The following BCAS3 variants were observed in gnomAD, a reference collection of about 807,000 sequenced individuals.
The protein encoded by BCAS3 is BCAS3 microtubule associated cell migration factor, also known as BCAS4/BCAS3 fusion.
BCAS3 carries 53 observed loss-of-function variants against 116.1 expected under a neutral mutation model. The ratio of observed to expected loss-of-function variants is 0.46; its 90% CI spans 0.37 to 0.57. BCAS3 has a LOEUF of 0.57. Among genes scored for constraint, BCAS3 ranks in the 20% least tolerant of loss-of-function variants. The probability of loss-of-function intolerance (pLI) is 0.00; values close to 1 mark genes in which losing one functional copy is unlikely to be tolerated. For synonymous variants in BCAS3, 391 were observed against 408.2 expected, an observed-to-expected ratio of 0.96 and a Z score of 0.51; for missense variants, 917 against 1,165.4, an observed-to-expected ratio of 0.79 and a Z score of 3.10.
rs1421807512 is a variant in BCAS3 at position 61,171,025 on chromosome 17, G to T, written c.2425+86461G>T. On this transcript the variant is annotated intron_variant, in intron 22 of 23. Transcript: ENST00000407086. This position sits in a 1 kb window ranked among gnomAD's most constrained non-coding sequence, Gnocchi z 4.1. ...GCCAGATTGGAAAATCTCATAATTTGCAGGTAAAGTGATACAAGATTTTTG... is the reference window on the plus strand; with the variant it reads ...GCCAGATTGGAAAATCTCATAATTTTCAGGTAAAGTGATACAAGATTTTTG... Among the ~76,000 whole-genome samples the T allele has an allele frequency of 3.9e-5, 6 of 152,128 alleles. No individual in the cohort carries two copies. Among genetic ancestry groups the T allele is most frequent in the Non-Finnish European group, 8.8e-5 (6 of 68,008 alleles).
chr17:61,360,095 C>G (rs2058375126), intron 22 of BCAS3, among the ~76,000 whole-genome samples: 1 of 151,408 alleles, frequency 6.6e-6, no homozygotes, highest in Non-Finnish European at 1.5e-5. Flanking sequence ...CAACCTCCAT[C>G]TCCTGGGTTC....
Position 61,376,858 on chromosome 17 carries a change from T to C in BCAS3, c.2593+8364T>C, listed in dbSNP as rs1052971026. Among the ~76,000 whole-genome samples, 2 of 152,240 alleles carry C rather than the reference T, an allele frequency of 1.3e-5. No individual in the cohort carries two copies. Among genetic ancestry groups the C allele is most frequent in the Non-Finnish European group, 2.9e-5 (2 of 68,030 alleles). On this transcript the variant is annotated intron_variant, in intron 23 of 23. Transcript: ENST00000407086. This position sits in a 1 kb window ranked among gnomAD's most constrained non-coding sequence, Gnocchi z 4.5. ...CCTTCTACAGCATCTACAAAAGTTC[T>C]CTCAGTGTCTTCTCTTAATGACCTC...
At chr17:60,859,473 G>A (rs1261107695) in intron 7 of BCAS3, among the ~76,000 whole-genome samples, 3 of 151,952 alleles carry the variant, frequency 2.0e-5, no homozygotes, top group African/African-American at 7.3e-5. Flanking sequence ...GCATTAATTC[G>A]CTTAGGATAA....
At chr17:60,965,646 A>G (rs371420196) in intron 14 of BCAS3, among the ~76,000 whole-genome samples, 1 of 152,228 alleles carries the variant, frequency 6.6e-6, no homozygotes, top group South Asian at 2.1e-4. Flanking sequence ...CTATGTGTTT[A>G]TATATTTTCC....
chr17:61,280,693 T>C (rs780028375), intron 22 of BCAS3, among the ~76,000 whole-genome samples: 2 of 152,238 alleles, frequency 1.3e-5, no homozygotes, highest in Non-Finnish European at 2.9e-5. Flanking sequence ...CATGAAAAGA[T>C]TGGCATTGTT....
chr17:61,318,493 C>T (rs1422249314), intron 22 of BCAS3, among the ~76,000 whole-genome samples: 4 of 152,150 alleles, frequency 2.6e-5, no homozygotes, highest in Non-Finnish European at 5.9e-5. Context: ...CCCTCTTCCC[C>T]CTCCCCCTAA....
intron 4 of BCAS3, among the ~76,000 whole-genome samples, chr17:60,693,115 A>G (rs181123526): frequency 4.0e-4 from 61 of 151,980 alleles, no homozygotes; most frequent in Middle Eastern, 3.4e-3. Context: ...ACCTCAGGTC[A>G]TCTGCCCGCT....
chr17:60,874,413 G>A (rs1256805130), intron 8 of BCAS3, among the ~76,000 whole-genome samples: 5 of 152,086 alleles, frequency 3.3e-5, no homozygotes, highest in Admixed American at 6.5e-5. Flanking sequence ...TGAGGTGGTA[G>A]TTTTTTCTTC....
Position 61,279,736 on chromosome 17 carries a change from C to T in BCAS3, c.2426-88591C>T, listed in dbSNP as rs1316633962. Among the ~76,000 whole-genome samples, 1 of 151,688 alleles carries T rather than the reference C, an allele frequency of 6.6e-6. No homozygotes were observed. The highest frequency in any genetic ancestry group is 1.5e-5 in the Non-Finnish European group (1 of 67,982). On this transcript the variant is annotated intron_variant, in intron 22 of 23. Coordinates refer to ENST00000407086, the MANE Select transcript of BCAS3 (RefSeq NM_017679.5). This position sits in a 1 kb window ranked among gnomAD's most constrained non-coding sequence, Gnocchi z 4.4. ...TAAAATAGTGGGCTAAGCCACTGGG[C>T]CTCCATGGTGAGGTGGCACTGGTCC...
rs1306430059 is a variant in BCAS3, at chr17:61,192,181, A to C, written c.2425+107617A>C. On this transcript the variant is annotated intron_variant, in intron 22 of 23. Coordinates refer to ENST00000407086, the MANE Select transcript of BCAS3 (RefSeq NM_017679.5). ...GAATCACTTGAACCCAGGAGGCAGA[A>C]GTTGCAGTGAGCCGAGATTGCACCA... 2.8e-5 allele frequency among the ~76,000 whole-genome samples: 4 copies of C among 143,484 alleles called. No homozygotes were observed. In the East Asian group the frequency reaches 9.0e-4, roughly 32 times the overall value. The allele number at this position is 143,484 out of a possible 152,430, so 94.1% of individuals were successfully genotyped here. A position where few individuals can be genotyped will look rare whatever the true frequency, so the allele number is the denominator to read the frequency against.
chr17:60,984,397 C>T (rs1325177817), intron 14 of BCAS3, among the ~76,000 whole-genome samples: 2 of 152,034 alleles, frequency 1.3e-5, no homozygotes, highest in Non-Finnish European at 2.9e-5. Flanking sequence ...TTTCTCTGAC[C>T]ACTTGGGGAC....
intron 19 of BCAS3, among the ~76,000 whole-genome samples, chr17:61,048,903 T>A (rs530520896): frequency 6.6e-6 from 1 of 152,076 alleles, no homozygotes; most frequent in East Asian, 1.9e-4. Flanking sequence ...ATGACTGTAT[T>A]CCATATGTTC....
chr17:61,202,963 C>T (rs2080926658), intron 22 of BCAS3, among the ~76,000 whole-genome samples: 1 of 152,116 alleles, frequency 6.6e-6, no homozygotes, highest in South Asian at 2.1e-4. Flanking sequence ...AGTATCAGCG[C>T]AGTGATGAAA....
At chr17:61,010,265 G>A (rs2065020643) in intron 15 of BCAS3, among the ~76,000 whole-genome samples, 2 of 151,732 alleles carry the variant, frequency 1.3e-5, no homozygotes, top group African/African-American at 4.8e-5. Flanking sequence ...GAATGTCTGG[G>A]AAAACATAAT....
At position 61,141,866 on chromosome 17, in the gene BCAS3, A is replaced by G. The variant is rs889385900; in HGVS notation, c.2425+57302A>G. On this transcript the variant is annotated intron_variant, in intron 22 of 23. Transcript: ENST00000407086. The surrounding 1 kb of genome is among the most constrained non-coding windows in gnomAD (Gnocchi z 4.3). Reference sequence around the variant, plus strand: ...CAGTGAGCCGAGATCGCGCCACTGCACTCCAGCCTGGTGACAGAGCGAGAC... The same window carrying G: ...CAGTGAGCCGAGATCGCGCCACTGCGCTCCAGCCTGGTGACAGAGCGAGAC... 6.8e-6 allele frequency among the ~76,000 whole-genome samples: 1 copy of G among 147,806 alleles called. No homozygotes were observed. Among genetic ancestry groups the G allele is most frequent in the African/African-American group, 2.5e-5 (1 of 39,678 alleles).
chr17:60,974,020 T>C (rs921669261), intron 14 of BCAS3, among the ~76,000 whole-genome samples: 1 of 152,200 alleles, frequency 6.6e-6, no homozygotes, highest in Non-Finnish European at 1.5e-5. Context: ...ATTCTAAAAA[T>C]GCATATTTCT....
At chr17:60,787,573 A>C (rs370755395) in intron 6 of BCAS3, among the ~76,000 whole-genome samples, 2 of 152,166 alleles carry the variant, frequency 1.3e-5, no homozygotes, top group South Asian at 2.1e-4. Flanking sequence ...CAAATAAGTA[A>C]ATCAACAGTA....
chr17:60,801,470 T>A (rs972883845), intron 6 of BCAS3, among the ~76,000 whole-genome samples: 1 of 152,112 alleles, frequency 6.6e-6, no homozygotes, highest in South Asian at 2.1e-4. Flanking sequence ...CTTTCTGGTC[T>A]ATGACTTTTA....
At chr17:60,869,080 A>C (rs967949092) in intron 8 of BCAS3, among the ~76,000 whole-genome samples, 6 of 152,204 alleles carry the variant, frequency 3.9e-5, no homozygotes, top group Admixed American at 2.6e-4. Flanking sequence ...AAAATTTTTG[A>C]AAAGCATGTT....
Sources: allele counts gnomAD v4.1 joint callset (sites outside exome capture counted in the v4.1 genomes callset), GRCh38; gene constraint gnomAD v4.1.1; non-coding constraint Gnocchi (gnomAD v3.1); transcripts MANE v1.5; gene names NCBI Gene and HGNC (gene_info 2026-07-23, HGNC 2026-07-21).